Variants in COL6A5 observed in about 807,000 individuals in gnomAD.
The protein encoded by COL6A5 is collagen type VI alpha 5 chain, also known as collagen alpha-5(VI) chain.
In COL6A5, 48 loss-of-function variants were observed where a neutral mutation model predicts 65.6. That is an observed-to-expected ratio of 0.73 (90% CI 0.58 to 0.93). The LOEUF is 0.93. Ranked by LOEUF, COL6A5 falls within the 40% of genes least tolerant of loss-of-function variation. COL6A5 has a pLI of 0.00. For synonymous variants in COL6A5, 291 were observed against 322.8 expected, an observed-to-expected ratio of 0.90 and a Z score of 1.05; for missense variants, 914 against 928.3, an observed-to-expected ratio of 0.98 and a Z score of 0.20.
intron 1 of COL6A5, among the ~76,000 whole-genome samples, chr3:130,350,911 T>A (rs1934679476): frequency 6.6e-6 from 1 of 152,166 alleles, no homozygotes; most frequent in South Asian, 2.1e-4. Context: ...GACTTCAAAC[T>A]ATACTACAAG....
upstream of COL6A5, chr3:130,426,478 T>C (rs1429542074): frequency 2.1e-6 from 3 of 1,423,698 alleles, no homozygotes; most frequent in Non-Finnish European, 2.9e-6. Flanking sequence ...AGTGTGGGTA[T>C]GTGAGATCAG....
chr3:130,436,227 A>T (rs545873904), intron 1 of COL6A5, among the ~76,000 whole-genome samples: 2 of 151,096 alleles, frequency 1.3e-5, no homozygotes, highest in African/African-American at 2.4e-5. Flanking sequence ...CTATTTTATT[A>T]CTTTTAATAG....
intron 1 of COL6A5, among the ~76,000 whole-genome samples, chr3:130,356,643 T>C (rs1934935416): frequency 6.6e-6 from 1 of 151,846 alleles, no homozygotes; most frequent in East Asian, 1.9e-4. Context: ...CACAATGCAT[T>C]AAAACCAAAA....
chr3:130,432,223 C>T (rs889959021), intron 1 of COL6A5, among the ~76,000 whole-genome samples: 1 of 152,054 alleles, frequency 6.6e-6, no homozygotes, highest in Admixed American at 6.5e-5. Flanking sequence ...TCTCACAGCC[C>T]TCGGAGGTCA....
chr3:130,384,834 A>G (rs1936124869), exon 5 of COL6A5: 1 of 1,549,154 alleles, frequency 6.5e-7, no homozygotes, highest in African/African-American at 1.4e-5. Flanking sequence ...GCTGATATCC[A>G]CTTCCTCATT....
chr3:130,380,581 T>C (rs184958996), intron 4 of COL6A5, among the ~76,000 whole-genome samples: 2 of 152,272 alleles, frequency 1.3e-5, no homozygotes, highest in Non-Finnish European at 2.9e-5. Flanking sequence ...CTGGAAATGT[T>C]CTTTATCTGC....
exon 9 of COL6A5, chr3:130,397,597 A>G (rs2107659869): frequency 1.9e-6 from 3 of 1,550,054 alleles, no homozygotes; most frequent in Admixed American, 2.0e-5. Context: ...CTTTATGGAC[A>G]TAGTGGTTGG....
intron 5 of COL6A5, 93 bp downstream of exon 37, chr3:130,455,759 A>G: frequency 2.0e-6 from 2 of 995,308 alleles, no homozygotes; most frequent in South Asian, 1.6e-5. Flanking sequence ...TAAGGCTGGT[A>G]TCTAAAGCAA....
intron 5 of COL6A5, among the ~76,000 whole-genome samples, chr3:130,386,806 T>C (rs1184270602): frequency 1.3e-5 from 2 of 151,778 alleles, no homozygotes; most frequent in Non-Finnish European, 2.9e-5. Context: ...GAGGAGGAGA[T>C]AAGTTGTGGA....
intron 24 of COL6A5, among the ~76,000 whole-genome samples, chr3:130,417,581 T>C (rs766061259): frequency 6.6e-6 from 1 of 152,092 alleles, no homozygotes; most frequent in Non-Finnish European, 1.5e-5. Context: ...GGAGGATGGG[T>C]GGCATCAGAA....
intron 20 of COL6A5, among the ~76,000 whole-genome samples, chr3:130,411,111 G>A (rs1937161769): frequency 6.6e-6 from 1 of 152,180 alleles, no homozygotes; most frequent in African/African-American, 2.4e-5. Flanking sequence ...ACCTTGAGGT[G>A]CTGGCATAAC....
chr3:130,403,896 T>C (rs1379369033), intron 13 of COL6A5, among the ~76,000 whole-genome samples: 1 of 152,218 alleles, frequency 6.6e-6, no homozygotes, highest in Non-Finnish European at 1.5e-5. Flanking sequence ...TTTTCACTTT[T>C]CCTTGTCTGA....
intron 17 of COL6A5, 68 bp downstream of exon 17, chr3:130,406,389 G>A: frequency 3.3e-6 from 4 of 1,228,560 alleles, no homozygotes; most frequent in Non-Finnish European, 4.7e-6. Flanking sequence ...TAACTGCTGT[G>A]TGTCAGTGGT....
chr3:130,440,413 A>C lies in COL6A5; in HGVS notation c.831A>C (p.Thr277=), dbSNP rs780217569. ...AAAGTTCCAGGAGAAAGATGGGTAC[A>C]GTAAAAACAGAGTTTGATTTCATCA... is the stretch of plus-strand genomic sequence containing the variant. Residue 277 remains threonine, a synonymous_variant, in exon 3 of 8, where the codon ACA becomes ACC. Coordinates refer to ENST00000512836, the Ensembl canonical transcript of COL6A5. 3.1e-6 allele frequency: 5 copies of C among 1,613,674 alleles called. No homozygotes were observed. The South Asian group carries it at 5.5e-5, about 18-fold the overall frequency.
chr3:130,475,248 C>T (rs1367018832), intron 7 of COL6A5, among the ~76,000 whole-genome samples: 2 of 151,194 alleles, frequency 1.3e-5, no homozygotes, highest in Admixed American at 6.6e-5. Context: ...ACCAAAAATC[C>T]CCCCAAATTG....
At chr3:130,392,080 G>A (rs1359059947) in intron 7 of COL6A5, among the ~76,000 whole-genome samples, 1 of 152,162 alleles carries the variant, frequency 6.6e-6, no homozygotes, top group Non-Finnish European at 1.5e-5. Context: ...GGCTGCTCAT[G>A]GTGCTCCATT....
chr3:130,418,953 A>C (rs1325671379), intron 25 of COL6A5, 22 bp downstream of exon 25: 5 of 1,546,664 alleles, frequency 3.2e-6, no homozygotes, highest in South Asian at 2.4e-5. Flanking sequence ...TGAAGTCCCT[A>C]CCCTCCCCAG....
chr3:130,358,998 A>T (rs1170134243), intron 1 of COL6A5, among the ~76,000 whole-genome samples: 1 of 152,236 alleles, frequency 6.6e-6, no homozygotes, highest in Non-Finnish European at 1.5e-5. Context: ...TGAATGAAGT[A>T]GATACAAGAG....
At position 130,361,212 on chromosome 3, in the gene COL6A5, T is replaced by C. The variant is rs145958646; in HGVS notation, c.-28-12399T>C. On this transcript the variant is annotated intron_variant and NMD_transcript_variant, in intron 1 of 41. Coordinates refer to the COL6A5 transcript ENST00000312481. Reference sequence around the variant, plus strand: ...TATGATAGGATCAGACAGAATAGTTTTTAAAAATCGTCTGTGCTCCACCTG... The same window carrying C: ...TATGATAGGATCAGACAGAATAGTTCTTAAAAATCGTCTGTGCTCCACCTG... Among the ~76,000 whole-genome samples the C allele has an allele frequency of 1.6e-3, 236 of 152,206 alleles. 4 individuals are homozygous for C. Among genetic ancestry groups the C allele is most frequent in the African/African-American group, 5.3e-3 (222 of 41,550 alleles).
Sources: allele counts gnomAD v4.1 joint callset (sites outside exome capture counted in the v4.1 genomes callset), GRCh38; gene constraint gnomAD v4.1.1; transcripts MANE v1.5; gene names NCBI Gene and HGNC (gene_info 2026-07-23, HGNC 2026-07-21).